ARHGAP42: variants seen among roughly 807,000 people sequenced by gnomAD.
ARHGAP42 encodes the protein rho GTPase-activating protein 42.
ARHGAP42 carries 63 observed loss-of-function variants against 125.0 expected under a neutral mutation model. The observed-to-expected ratio is 0.50, with a 90% CI of 0.41 to 0.62. ARHGAP42 has a LOEUF of 0.62. Ranked by LOEUF, ARHGAP42 falls within the 20% of genes least tolerant of loss-of-function variation. ARHGAP42 has a pLI of 0.00. For synonymous variants in ARHGAP42, 339 were observed against 351.0 expected, an observed-to-expected ratio of 0.97 and a Z score of 0.38; for missense variants, 766 against 1,024.2, an observed-to-expected ratio of 0.75 and a Z score of 3.44.
At chr11:100,887,451 C>A (rs1866119327) in intron 4 of ARHGAP42, among the ~76,000 whole-genome samples, 1 of 152,222 alleles carries the variant, frequency 6.6e-6, no homozygotes, top group Non-Finnish European at 1.5e-5. Context: ...ATCTAAACTA[C>A]TTGAATCAAA....
chr11:100,805,999 T>A (rs927412451), intron 3 of ARHGAP42, among the ~76,000 whole-genome samples: 1 of 152,174 alleles, frequency 6.6e-6, no homozygotes, highest in Non-Finnish European at 1.5e-5. Context: ...CCCAACCTCC[T>A]GGGAAAGTAG....
chr11:100,750,198 C>A (rs1193712547), intron 1 of ARHGAP42, among the ~76,000 whole-genome samples: 3 of 152,300 alleles, frequency 2.0e-5, no homozygotes, highest in Non-Finnish European at 2.9e-5. Context: ...ATTTTTAATT[C>A]TCTGCAAGGC....
At chr11:100,947,084 T>C (rs1342163652) in intron 10 of ARHGAP42, among the ~76,000 whole-genome samples, 1 of 152,046 alleles carries the variant, frequency 6.6e-6, no homozygotes. Context: ...AAAATATCTT[T>C]TGGGATTTTG....
Position 100,976,342 on chromosome 11 carries a change from C to G in ARHGAP42, c.2141C>G (p.Ser714Cys), listed in dbSNP as rs529466797. The change falls in exon 20 of 24, where the codon TCC (serine) becomes TGC (cysteine). Residue 714 changes from serine (S) to cysteine (C), a missense_variant. Ser to Cys is a moderately radical substitution (Grantham distance 112, BLOSUM62 -1). Transcript: ENST00000298815. ...TCAGTCACTAGCCCAGGAGACGTTT[C>G]CCCACCCATAGACCTAGTCAAGAAA... ...VASVTSPGDV[S>C]PPIDLVKKEP... 205 of 1,551,520 alleles carry G rather than the reference C, an allele frequency of 1.3e-4. 3 individuals are homozygous for G. In the South Asian group the frequency reaches 2.4e-3, roughly 18 times the overall value.
At chr11:100,754,241 G>T (rs2063797972) in intron 1 of ARHGAP42, among the ~76,000 whole-genome samples, 1 of 152,196 alleles carries the variant, frequency 6.6e-6, no homozygotes, top group African/African-American at 2.4e-5. Context: ...GATGAATACA[G>T]TTTTTACCAT....
intron 1 of ARHGAP42, among the ~76,000 whole-genome samples, chr11:100,748,311 C>T (rs1323866502): frequency 6.6e-6 from 1 of 152,176 alleles, no homozygotes; most frequent in Non-Finnish European, 1.5e-5. Context: ...ATTTTCCTAA[C>T]AGAGCTTCTA....
In ARHGAP42 at chr11:100,976,239, T is replaced by C; in HGVS notation, c.2038T>C (p.Trp680Arg). 1 of 1,551,638 alleles carries C rather than the reference T, an allele frequency of 6.4e-7. No individual in the cohort carries two copies. Among genetic ancestry groups the C allele is most frequent in the Non-Finnish European group, 8.7e-7 (1 of 1,146,908 alleles). ...CAATGGACAGAAAAGCCTTGGTCTGTGGACAACTAGTCCTGAATCAAGTTC... is the reference window on the plus strand; with the variant it reads ...CAATGGACAGAAAAGCCTTGGTCTGCGGACAACTAGTCCTGAATCAAGTTC... ...SSNGQKSLGL[W>R]TTSPESSSRE... The change falls in exon 20 of 24, where the codon TGG becomes CGG. Residue 680 changes from tryptophan (W) to arginine (R), a missense_variant. By Grantham distance (101) the Trp-to-Arg change is moderately radical. Coordinates refer to ENST00000298815, the MANE Select transcript of ARHGAP42 (RefSeq NM_152432.4).
At chr11:100,984,891 C>T (rs1165237644) in intron 22 of ARHGAP42, among the ~76,000 whole-genome samples, 1 of 152,194 alleles carries the variant, frequency 6.6e-6, no homozygotes, top group Non-Finnish European at 1.5e-5. Context: ...GGAAACTTCA[C>T]TGTTACAGAG....
chr11:100,707,834 TGA>T (rs559429334), intron 1 of ARHGAP42, among the ~76,000 whole-genome samples: 99 of 152,320 alleles, frequency 6.5e-4, no homozygotes, highest in African/African-American at 2.3e-3. Context: ...TGCTTGGTGT[TGA>T]GAGTTAGTAG....
At chr11:100,797,309 C>T (rs1483746507) in intron 3 of ARHGAP42, among the ~76,000 whole-genome samples, 3 of 152,138 alleles carry the variant, frequency 2.0e-5, no homozygotes, top group Non-Finnish European at 4.4e-5. Context: ...GACAAAACAG[C>T]CTTCCCTTGG....
Position 100,774,519 on chromosome 11 carries a change from A to C in ARHGAP42, c.250+4081A>C, listed in dbSNP as rs140648746. On this transcript the variant is annotated intron_variant, in intron 2 of 23. Coordinates refer to ENST00000298815, the MANE Select transcript of ARHGAP42 (RefSeq NM_152432.4). The stretch of plus-strand genomic sequence containing the variant: ...GATGACATAGCCACAAAATACTGTG[A>C]CTTACAAAGAAGCTCATCTTTTGTA... Among the ~76,000 whole-genome samples, 437 of 152,290 alleles carry C rather than the reference A, an allele frequency of 2.9e-3. 3 individuals are homozygous for C. The highest frequency in any genetic ancestry group is 9.9e-3 in the African/African-American group (411 of 41,572).
At chr11:100,949,402 A>G (rs565371103) in intron 11 of ARHGAP42, among the ~76,000 whole-genome samples, 66 of 152,202 alleles carry the variant, frequency 4.3e-4, no homozygotes, top group Admixed American at 1.3e-3. Flanking sequence ...GTTATTTTCT[A>G]TTTCAATTTT....
intron 9 of ARHGAP42, 81 bp from the exon 10 acceptor site, chr11:100,943,678 G>A (rs619066): frequency 0.87 from 836,987 of 958,222 alleles, 366,238 homozygotes; most frequent in East Asian, 1. Flanking sequence ...ACATTTTAAT[G>A]TGGCAACTTG....
At chr11:100,975,593 G>A (rs901181108) in intron 19 of ARHGAP42, among the ~76,000 whole-genome samples, 5 of 152,160 alleles carry the variant, frequency 3.3e-5, no homozygotes, top group African/African-American at 1.2e-4. Context: ...AAAGAAGGCT[G>A]AGTACTTTGT....
chr11:100,861,239 A>G (rs1309244769), intron 4 of ARHGAP42, among the ~76,000 whole-genome samples: 1 of 152,216 alleles, frequency 6.6e-6, no homozygotes, highest in Non-Finnish European at 1.5e-5. Flanking sequence ...ATGGGAATGA[A>G]TGAAGGTTTT....
At chr11:100,779,567 T>TATATACGTATAC (rs1565210776) in intron 2 of ARHGAP42, among the ~76,000 whole-genome samples, 8 of 146,954 alleles carry the variant, frequency 5.4e-5, no homozygotes, top group Admixed American at 2.0e-4. Flanking sequence ...CATACGTATA[T>TATATACGTATAC]ATACGTATAT....
intron 1 of ARHGAP42, among the ~76,000 whole-genome samples, chr11:100,762,946 C>T (rs1269740996): frequency 2.0e-5 from 3 of 146,838 alleles, no homozygotes; most frequent in Non-Finnish European, 3.0e-5. Context: ...TTTAGTACCA[C>T]GAGCTTTTCA....
At chr11:100,862,927 CTCGGGA>C (rs2135145651) in intron 4 of ARHGAP42, among the ~76,000 whole-genome samples, 1 of 151,500 alleles carries the variant, frequency 6.6e-6, no homozygotes, top group South Asian at 2.1e-4. Context: ...ATCCCAGCTA[CTCGGGA>C]GGCTGAGGCA....
intron 12 of ARHGAP42, among the ~76,000 whole-genome samples, chr11:100,953,615 A>T (rs1025937320): frequency 1.3e-5 from 2 of 152,180 alleles, no homozygotes; most frequent in African/African-American, 4.8e-5. Context: ...TGAGACTAAC[A>T]TGCAAAAGTC....
Sources: allele counts gnomAD v4.1 joint callset (sites outside exome capture counted in the v4.1 genomes callset), GRCh38; gene constraint gnomAD v4.1.1; transcripts MANE v1.5; gene names NCBI Gene and HGNC (gene_info 2026-07-23, HGNC 2026-07-21).